The following PLCZ1 variants were observed in gnomAD, a reference collection of about 807,000 sequenced individuals.
PLCZ1 encodes 1-phosphatidylinositol 4,5-bisphosphate phosphodiesterase zeta-1.
PLCZ1 carries 64 observed loss-of-function variants against 76.8 expected under a neutral mutation model. The observed-to-expected ratio is 0.83, with a 90% CI of 0.68 to 1.03. PLCZ1 has a LOEUF of 1.03. PLCZ1 is among the 50% of genes least tolerant of loss of function. The probability of loss-of-function intolerance (pLI) is 0.00; values close to 1 mark genes in which losing one functional copy is unlikely to be tolerated. For synonymous variants in PLCZ1, 248 were observed against 230.8 expected, an observed-to-expected ratio of 1.07 and a Z score of -0.68; for missense variants, 751 against 713.7, an observed-to-expected ratio of 1.05 and a Z score of -0.60.
At chr12:18,698,038 T>C (rs980480769) in intron 10 of PLCZ1, among the ~76,000 whole-genome samples, 4 of 151,460 alleles carry the variant, frequency 2.6e-5, no homozygotes, top group African/African-American at 4.9e-5. Flanking sequence ...ATTTATGCTG[T>C]GCCTACAGGT....
At chr12:18,700,430 G>T (rs1955720002) in intron 9 of PLCZ1, among the ~76,000 whole-genome samples, 1 of 139,520 alleles carries the variant, frequency 7.2e-6, no homozygotes, top group African/African-American at 2.6e-5. Context: ...GGCAGATTGG[G>T]CCAGCTAAAC....
intron 5 of PLCZ1, chr12:18,714,658 C>G (rs571349647): frequency 6.6e-6 from 1 of 152,056 alleles, no homozygotes; most frequent in Non-Finnish European, 1.5e-5. Context: ...TAAATTACCC[C>G]ATGTCTACAG....
intron 3 of PLCZ1, among the ~76,000 whole-genome samples, chr12:18,730,775 T>A (rs931988766): frequency 6.6e-6 from 1 of 152,218 alleles, no homozygotes; most frequent in Non-Finnish European, 1.5e-5. Flanking sequence ...AGAAACTTGA[T>A]AATCACTGAA....
At chr12:18,692,421 A>G (rs1159339823) in intron 12 of PLCZ1, among the ~76,000 whole-genome samples, 1 of 152,250 alleles carries the variant, frequency 6.6e-6, no homozygotes, top group Non-Finnish European at 1.5e-5. Flanking sequence ...AAATAAGCAT[A>G]GCACTTAGGT....
chr12:18,705,949 G>A (rs1055645209), intron 6 of PLCZ1, among the ~76,000 whole-genome samples: 2 of 144,768 alleles, frequency 1.4e-5, no homozygotes, highest in African/African-American at 5.1e-5. Context: ...AAGGCAGGAC[G>A]AGCATGGTGG....
Position 18,736,175 on chromosome 12 carries a change from A to T in PLCZ1, c.135+46T>A, listed in dbSNP as rs987727274. 3.1e-6 allele frequency: 5 copies of T among 1,595,090 alleles called. No homozygotes were observed. In the African/African-American group the frequency reaches 5.4e-5, roughly 17 times the overall value. On this transcript the variant is annotated intron_variant, in intron 3 of 14. Transcript: ENST00000266505. ...ATATGACAATTACTGACATTGGATT[A>T]AGTTCCACCTAGGATAGGATAGGCA... is the stretch of plus-strand genomic sequence containing the variant.
intron 7 of PLCZ1, among the ~76,000 whole-genome samples, chr12:18,704,761 G>A (rs923284926): frequency 6.6e-6 from 1 of 152,142 alleles, no homozygotes; most frequent in Non-Finnish European, 1.5e-5. Context: ...CAGGGAAATT[G>A]AAAAGAGTAG....
At chr12:18,687,069 C>T (rs1006027596) in intron 13 of PLCZ1, among the ~76,000 whole-genome samples, 4 of 151,964 alleles carry the variant, frequency 2.6e-5, no homozygotes, top group South Asian at 4.1e-4. Flanking sequence ...TGGACACAGC[C>T]GTAGCAATGT....
chr12:18,737,306 A>G, intron 2 of PLCZ1, 55 bp downstream of exon 2: 1 of 1,563,428 alleles, frequency 6.4e-7, no homozygotes. Flanking sequence ...CATCAAGTAA[A>G]GAGGATAAGT....
chr12:18,704,752 A>G (rs1465068385), intron 7 of PLCZ1, among the ~76,000 whole-genome samples: 1 of 152,188 alleles, frequency 6.6e-6, no homozygotes, highest in African/African-American at 2.4e-5. Flanking sequence ...TCATAGAGAC[A>G]GGGAAATTGA....
rs760840828 is a variant in PLCZ1, at chr12:18,699,800, A to G, written c.1168T>C (p.Leu390=). 1.2e-6 allele frequency: 2 copies of G among 1,613,362 alleles called. No homozygotes were observed. The highest frequency in any genetic ancestry group is 1.7e-6 in the Non-Finnish European group (2 of 1,179,552). Residue 390 remains leucine (L), a synonymous_variant, in exon 10 of 15, where the codon TTG becomes CTG. Coordinates refer to ENST00000266505, the MANE Select transcript of PLCZ1 (RefSeq NM_033123.4). ...GETQARKLSK[L]RVHEFIFHTR... ...TTGAGTCACAAAAATTTACCTCGCA[A>G]TTTTGAAAGTTTTCGGGCTTGTGTC...
At chr12:18,698,283 T>TTCTAC (rs1555181481) in intron 10 of PLCZ1, among the ~76,000 whole-genome samples, 6 of 151,566 alleles carry the variant, frequency 4.0e-5, no homozygotes, top group African/African-American at 7.3e-5. Context: ...TTCTATTCTA[T>TTCTAC]TCTACTCCAT....
At chr12:18,720,745 G>C (rs1339419930) in intron 4 of PLCZ1, among the ~76,000 whole-genome samples, 3 of 152,008 alleles carry the variant, frequency 2.0e-5, no homozygotes, top group African/African-American at 7.2e-5. Flanking sequence ...TATGGAAGTA[G>C]AGACTCAGAC....
At chr12:18,648,307 A>T in the PLCZ1 span, 1 of 237,908 alleles carries the variant, frequency 4.2e-6, no homozygotes, top group Non-Finnish European at 8.2e-6. Flanking sequence ...ATATATTTTA[A>T]ATTAAACATA....
At chr12:18,669,260 T>C in the PLCZ1 span, among the ~76,000 whole-genome samples, 1 of 152,168 alleles carries the variant, frequency 6.6e-6, no homozygotes, top group Non-Finnish European at 1.5e-5. Context: ...CAATCAAGCA[T>C]CAGAATCCAT....
At chr12:18,730,703 T>C (rs912418906) in intron 3 of PLCZ1, among the ~76,000 whole-genome samples, 2 of 152,198 alleles carry the variant, frequency 1.3e-5, no homozygotes, top group African/African-American at 4.8e-5. Flanking sequence ...GTAATGCTTT[T>C]AAATATGACA....
At chr12:18,675,290 G>A in the PLCZ1 span, among the ~76,000 whole-genome samples, 2 of 152,048 alleles carry the variant, frequency 1.3e-5, no homozygotes, top group East Asian at 1.9e-4. Context: ...TAAACAAATC[G>A]ATGGCTGTTT....
chr12:18,727,644 C>G (rs898527328), intron 3 of PLCZ1, among the ~76,000 whole-genome samples: 2 of 152,132 alleles, frequency 1.3e-5, no homozygotes, highest in East Asian at 3.9e-4. Flanking sequence ...ACAGCTGAAT[C>G]CCAGGGTTCC....
downstream of PLCZ1, among the ~76,000 whole-genome samples, chr12:18,681,860 T>C (rs781671828): frequency 4.1e-4 from 63 of 152,024 alleles, no homozygotes; most frequent in Non-Finnish European, 7.8e-4. Flanking sequence ...GCAGAATTAA[T>C]GAACTCTCTT....
Sources: allele counts gnomAD v4.1 joint callset (sites outside exome capture counted in the v4.1 genomes callset), GRCh38; gene constraint gnomAD v4.1.1; transcripts MANE v1.5; gene names NCBI Gene and HGNC (gene_info 2026-07-23, HGNC 2026-07-21).